DPP10: variants seen among roughly 807,000 people sequenced by gnomAD.
The protein encoded by DPP10 is dipeptidyl peptidase like 10.
DPP10 carries 33 observed loss-of-function variants against 120.9 expected under a neutral mutation model. The ratio of observed to expected loss-of-function variants is 0.27; its 90% CI spans 0.21 to 0.37. The LOEUF is 0.37. DPP10 is among the 10% of genes least tolerant of loss of function. The pLI is 1.00. For synonymous variants in DPP10, 337 were observed against 326.1 expected, an observed-to-expected ratio of 1.03 and a Z score of -0.36; for missense variants, 816 against 942.8, an observed-to-expected ratio of 0.87 and a Z score of 1.76.
At chr2:115,403,693 C>T (rs1172526918) in intron 3 of DPP10, among the ~76,000 whole-genome samples, 4 of 152,104 alleles carry the variant, frequency 2.6e-5, no homozygotes, top group Non-Finnish European at 5.9e-5. Flanking sequence ...CATGAGCCAC[C>T]GTGCCTGGCC....
chr2:115,399,227 A>G (rs969396907), intron 3 of DPP10, among the ~76,000 whole-genome samples: 20 of 152,178 alleles, frequency 1.3e-4, no homozygotes, highest in African/African-American at 4.6e-4. Context: ...TATGTTGCAG[A>G]TAAGAAACTG....
At chr2:115,096,013 T>C (rs555356212) in intron 1 of DPP10, among the ~76,000 whole-genome samples, 8 of 152,266 alleles carry the variant, frequency 5.3e-5, no homozygotes, top group Middle Eastern at 3.4e-3. Flanking sequence ...TATCTATCTT[T>C]ACAATGCCAA....
intron 1 of DPP10, among the ~76,000 whole-genome samples, chr2:114,959,832 GC>G (rs1445828460): frequency 6.6e-6 from 1 of 152,162 alleles, no homozygotes; most frequent in Non-Finnish European, 1.5e-5. Context: ...ATGTCAAATA[GC>G]TTTTCATGTG....
intron 3 of DPP10, among the ~76,000 whole-genome samples, chr2:115,476,481 A>T (rs547009297): frequency 6.6e-6 from 1 of 152,326 alleles, no homozygotes; most frequent in South Asian, 2.1e-4. Context: ...TATTTGTAGC[A>T]GTACAAGAAC....
chr2:115,633,126 G>T (rs2149323764), intron 5 of DPP10, among the ~76,000 whole-genome samples: 1 of 152,286 alleles, frequency 6.6e-6, no homozygotes, highest in East Asian at 1.9e-4. Context: ...AAAGACACAT[G>T]CACACGTATG....
chr2:115,132,003 T>C (rs1478017089), intron 1 of DPP10: 2 of 151,972 alleles, frequency 1.3e-5, no homozygotes, highest in Non-Finnish European at 2.9e-5. Flanking sequence ...GGCAGGATAA[T>C]TGCTTAAATC....
chr2:114,779,668 C>G (rs1212117925), intron 1 of DPP10, among the ~76,000 whole-genome samples: 3 of 152,232 alleles, frequency 2.0e-5, no homozygotes, highest in Admixed American at 6.5e-5. Context: ...CTGTGATAAC[C>G]CTCCTTTATA....
At chr2:115,535,114 T>C (rs1276371311) in intron 5 of DPP10, among the ~76,000 whole-genome samples, 2 of 152,034 alleles carry the variant, frequency 1.3e-5, no homozygotes, top group Non-Finnish European at 2.9e-5. Context: ...CTCTTTACTT[T>C]AATTAGATCC....
chr2:115,524,365 G>A (rs191371701), intron 4 of DPP10, among the ~76,000 whole-genome samples: 2 of 152,212 alleles, frequency 1.3e-5, no homozygotes, highest in East Asian at 1.9e-4. Flanking sequence ...CTTATGAGTA[G>A]CAGTTTATTG....
Position 114,911,749 on chromosome 2 carries a change from G to T in DPP10, c.61-397490G>T, listed in dbSNP as rs188327516. Among the ~76,000 whole-genome samples, 215 of 152,282 alleles carry T rather than the reference G, an allele frequency of 1.4e-3. 1 individual carries two copies. Among genetic ancestry groups the T allele is most frequent in the Non-Finnish European group, 2.8e-3 (191 of 68,020 alleles). On this transcript the variant is annotated intron_variant, in intron 1 of 25. Transcript: ENST00000410059. ...AGAAAGATAAATCATACTGAGCTTTGGGGCCATAGGAGGTAGACTATTACA... is the reference window on the plus strand; with the variant it reads ...AGAAAGATAAATCATACTGAGCTTTTGGGCCATAGGAGGTAGACTATTACA...
intron 5 of DPP10, among the ~76,000 whole-genome samples, chr2:115,680,654 T>A (rs1039675794): frequency 6.6e-6 from 1 of 152,044 alleles, no homozygotes; most frequent in Non-Finnish European, 1.5e-5. Flanking sequence ...GTTAAGCTAG[T>A]TAAGCTACTT....
intron 1 of DPP10, among the ~76,000 whole-genome samples, chr2:114,796,807 A>G (rs1683757617): frequency 6.6e-6 from 1 of 152,206 alleles, no homozygotes; most frequent in South Asian, 2.1e-4. Context: ...TGGCAGTTCA[A>G]CCAATTTGAC....
intron 1 of DPP10, among the ~76,000 whole-genome samples, chr2:115,293,444 AT>A (rs1438202664): frequency 6.6e-6 from 1 of 152,080 alleles, no homozygotes; most frequent in Non-Finnish European, 1.5e-5. Context: ...CACAGCTTCT[AT>A]AGATGTATTC....
intron 1 of DPP10, among the ~76,000 whole-genome samples, chr2:114,646,893 T>C (rs1358230862): frequency 6.6e-6 from 1 of 152,162 alleles, no homozygotes. Context: ...CTAAAAGATA[T>C]TTTAAACACT....
chr2:114,935,700 A>G (rs948924571), intron 1 of DPP10, among the ~76,000 whole-genome samples: 8 of 150,198 alleles, frequency 5.3e-5, no homozygotes, highest in African/African-American at 1.5e-4. Context: ...GTGTGTGTTC[A>G]GGTCCCAACC....
chr2:115,689,242 C>A (rs1270713745), intron 5 of DPP10, among the ~76,000 whole-genome samples: 1 of 151,966 alleles, frequency 6.6e-6, no homozygotes, highest in Non-Finnish European at 1.5e-5. Flanking sequence ...GTAGAATGTC[C>A]TTGGGGGAAA....
chr2:115,112,216 A>G (rs2049261663), intron 1 of DPP10, among the ~76,000 whole-genome samples: 2 of 152,060 alleles, frequency 1.3e-5, no homozygotes, highest in South Asian at 4.1e-4. Flanking sequence ...CATTAAAATA[A>G]TCTTTTCCTT....
chr2:115,694,790 T>G (rs2091492979), intron 7 of DPP10, among the ~76,000 whole-genome samples: 1 of 152,198 alleles, frequency 6.6e-6, no homozygotes, highest in Admixed American at 6.5e-5. Context: ...TGACTTGAAC[T>G]CTTAGCTCAG....
intron 1 of DPP10, among the ~76,000 whole-genome samples, chr2:114,514,764 T>A (rs989471028): frequency 2.0e-5 from 3 of 148,976 alleles, no homozygotes; most frequent in Non-Finnish European, 4.4e-5. Context: ...AGATCTTTTT[T>A]TTCTGGTTTT....
Sources: allele counts gnomAD v4.1 joint callset (sites outside exome capture counted in the v4.1 genomes callset), GRCh38; gene constraint gnomAD v4.1.1; transcripts MANE v1.5; gene names NCBI Gene and HGNC (gene_info 2026-07-23, HGNC 2026-07-21).